Variants in MALRD1 observed in about 807,000 individuals in gnomAD.
The protein encoded by MALRD1 is MAM and LDL-receptor class A domain-containing protein 1.
MALRD1 carries 247 observed loss-of-function variants against 242.1 expected under a neutral mutation model. The observed-to-expected ratio is 1.02, with a 90% confidence interval of 0.92 to 1.13. The LOEUF is 1.13. Ranked by LOEUF, MALRD1 falls within the 50% of genes most tolerant of loss-of-function variation. The pLI, the probability that MALRD1 is intolerant of heterozygous loss-of-function variation, is 0.00. For synonymous variants in MALRD1, 995 were observed against 866.6 expected (o/e 1.15, Z -2.60); for missense variants, 2,989 against 2,533.1 (o/e 1.18, Z -3.86).
At chr10:19,575,618 C>A (rs1202619015) in intron 33 of MALRD1, among the ~76,000 whole-genome samples, 2 of 151,968 alleles carry the variant, frequency 1.3e-5, no homozygotes, top group Admixed American at 6.6e-5. Flanking sequence ...GTAAAGAAGG[C>A]CTCAAAAATC....
chr10:19,110,501 ATAAT>A (rs1836639377), intron 5 of MALRD1, among the ~76,000 whole-genome samples: 2 of 152,236 alleles, frequency 1.3e-5, no homozygotes, highest in Admixed American at 6.5e-5. Context: ...CTAGAAGTAA[ATAAT>A]TAAAGTGTCG....
chr10:19,311,938 A>G (rs1317927190), intron 21 of MALRD1, among the ~76,000 whole-genome samples: 1 of 151,502 alleles, frequency 6.6e-6, no homozygotes, highest in African/African-American at 2.4e-5. Flanking sequence ...ATATTTGTTT[A>G]CCTTCTGAAA....
At chr10:19,414,084 G>C (rs1209752134) in intron 28 of MALRD1, among the ~76,000 whole-genome samples, 2 of 150,852 alleles carry the variant, frequency 1.3e-5, no homozygotes, top group Non-Finnish European at 2.9e-5. Context: ...AAATGTAGTA[G>C]ATCATTTAGT....
chr10:19,619,440 A>T (rs921821782), intron 36 of MALRD1, among the ~76,000 whole-genome samples: 2 of 152,076 alleles, frequency 1.3e-5, no homozygotes, highest in Non-Finnish European at 2.9e-5. Context: ...TCTGTTATTT[A>T]TGATGATCAG....
At chr10:19,691,360 A>C (rs1298139486) in intron 36 of MALRD1, among the ~76,000 whole-genome samples, 1 of 152,110 alleles carries the variant, frequency 6.6e-6, no homozygotes, top group African/African-American at 2.4e-5. Context: ...TTGAGCATAC[A>C]AATTTTCAAA....
chr10:19,647,144 C>A (rs1294826093), intron 36 of MALRD1, among the ~76,000 whole-genome samples: 1 of 152,190 alleles, frequency 6.6e-6, no homozygotes, highest in Non-Finnish European at 1.5e-5. Context: ...CAGCTTGAAG[C>A]AGCTCCTTGC....
intron 29 of MALRD1, among the ~76,000 whole-genome samples, chr10:19,479,114 T>G (rs556599841): frequency 6.0e-4 from 92 of 152,354 alleles, no homozygotes; most frequent in Non-Finnish European, 1.1e-3. Context: ...ACTCAAAAGA[T>G]ATCTAGGTTT....
chr10:19,144,176 T>C (rs1833647092), intron 10 of MALRD1, among the ~76,000 whole-genome samples: 1 of 152,102 alleles, frequency 6.6e-6, no homozygotes, highest in Admixed American at 6.5e-5. Flanking sequence ...GAGGGAAAAA[T>C]AATATTCATT....
intron 26 of MALRD1, among the ~76,000 whole-genome samples, chr10:19,374,693 C>A (rs1262467576): frequency 6.6e-6 from 1 of 152,178 alleles, no homozygotes; most frequent in East Asian, 1.9e-4. Context: ...TCAGTTTTCA[C>A]TCTTCAGGAT....
intron 26 of MALRD1, among the ~76,000 whole-genome samples, chr10:19,377,228 C>T (rs2130771659): frequency 6.6e-6 from 1 of 151,822 alleles, no homozygotes; most frequent in East Asian, 1.9e-4. Context: ...AACATCACTT[C>T]AAAAATGAAA....
At chr10:19,653,654 G>A (rs906413103) in intron 36 of MALRD1, among the ~76,000 whole-genome samples, 2 of 133,222 alleles carry the variant, frequency 1.5e-5, no homozygotes, top group Non-Finnish European at 3.0e-5. Flanking sequence ...CTCTAAGCAG[G>A]TAACTTAAAG....
Position 19,373,558 on chromosome 10 carries a change from G to A in MALRD1, c.4442-13970G>A, listed in dbSNP as rs543812530. Among the ~76,000 whole-genome samples, 138 of 151,366 alleles carry A rather than the reference G, an allele frequency of 9.1e-4. 1 individual carries two copies. The highest frequency in any genetic ancestry group is 2.0e-3 in the Admixed American group (30 of 15,156). ...AGAAAAGGAAGGAAGGAAGAGGAAA[G>A]GGAAGAAGGGAGAGAGGGAGGGATG... On this transcript the variant is annotated intron_variant, in intron 26 of 39. Transcript: ENST00000454679.
At chr10:19,279,986 C>A in intron 19 of MALRD1, 61 bp from the exon 20 acceptor site, 3 of 1,309,324 alleles carry the variant, frequency 2.3e-6, no homozygotes, top group Non-Finnish European at 3.0e-6. Flanking sequence ...TGTAAAATCT[C>A]TAAAGCAGTA....
chr10:19,499,528 T>G (rs901047736), intron 31 of MALRD1, among the ~76,000 whole-genome samples: 1 of 152,074 alleles, frequency 6.6e-6, no homozygotes, highest in African/African-American at 2.4e-5. Flanking sequence ...CCATGGGCTT[T>G]TATGGTTCTC....
intron 28 of MALRD1, among the ~76,000 whole-genome samples, chr10:19,420,048 T>A (rs866988902): frequency 5.3e-5 from 8 of 152,170 alleles, no homozygotes; most frequent in Admixed American, 6.5e-5. Flanking sequence ...GCAAGATACT[T>A]CTATAGAAGG....
intron 28 of MALRD1, among the ~76,000 whole-genome samples, chr10:19,418,197 G>C (rs1182745539): frequency 1.3e-5 from 2 of 151,774 alleles, no homozygotes; most frequent in Non-Finnish European, 2.9e-5. Flanking sequence ...TATCATTATA[G>C]ATTATCTGTG....
At chr10:19,482,604 G>C (rs1837042184) in intron 29 of MALRD1, among the ~76,000 whole-genome samples, 1 of 145,678 alleles carries the variant, frequency 6.9e-6, no homozygotes, top group African/African-American at 2.5e-5. Flanking sequence ...ACACTAATAA[G>C]GTTCAAGCTG....
chr10:19,488,959 GC>G (rs1276395450), intron 29 of MALRD1: 1 of 421,790 alleles, frequency 2.4e-6, no homozygotes, highest in African/African-American at 2.1e-5. Context: ...AAAAAATTTA[GC>G]GGGGGCGGAG....
At chr10:19,258,907 A>T (rs1839631725) in intron 19 of MALRD1, among the ~76,000 whole-genome samples, 1 of 152,146 alleles carries the variant, frequency 6.6e-6, no homozygotes, top group East Asian at 1.9e-4. Flanking sequence ...GACAGTTTCT[A>T]TCTAGCTGCT....
Sources: allele counts gnomAD v4.1 joint callset (sites outside exome capture counted in the v4.1 genomes callset), GRCh38; gene constraint gnomAD v4.1.1; transcripts MANE v1.5; gene names NCBI Gene and HGNC (gene_info 2026-07-23, HGNC 2026-07-21).